Variants in CHST9 observed in about 807,000 individuals in gnomAD.
CHST9 encodes carbohydrate sulfotransferase 9, also known as GalNAc-4-sulfotransferase 2.
In CHST9, 41 loss-of-function variants were observed where a neutral mutation model predicts 44.4. That is an observed-to-expected ratio of 0.92 (90% CI 0.72 to 1.20). The LOEUF is 1.20. Among genes scored for constraint, CHST9 ranks in the 50% most tolerant of loss-of-function variants. The pLI, the probability that CHST9 is intolerant of heterozygous loss-of-function variation, is 0.00. For missense variants in CHST9, 504 were observed against 516.5 expected (o/e 0.98, Z 0.23); for synonymous variants, 171 against 178.4 (o/e 0.96, Z 0.33).
intron 4 of CHST9, among the ~76,000 whole-genome samples, chr18:27,010,776 T>C (rs1158233626): frequency 1.3e-5 from 2 of 152,178 alleles, no homozygotes; most frequent in East Asian, 1.9e-4. Flanking sequence ...CCCATCTTGA[T>C]ATCTGATTGG....
intron 3 of CHST9, among the ~76,000 whole-genome samples, chr18:27,032,779 GATT>G (rs1195395442): frequency 6.6e-6 from 1 of 152,130 alleles, no homozygotes; most frequent in Admixed American, 6.5e-5. Flanking sequence ...GAGATAAAAA[GATT>G]ATTATCTCCA....
chr18:27,009,731 C>T (rs1250304602), intron 4 of CHST9, among the ~76,000 whole-genome samples: 3 of 152,124 alleles, frequency 2.0e-5, no homozygotes, highest in Non-Finnish European at 4.4e-5. Flanking sequence ...AAAAGGGTAC[C>T]ATCAAACACT....
chr18:27,141,549 C>G (rs190457730), intron 2 of CHST9, among the ~76,000 whole-genome samples: 2 of 128,396 alleles, frequency 1.6e-5, no homozygotes, highest in African/African-American at 6.1e-5. Flanking sequence ...CAAGATCATG[C>G]TATCGCTCTC....
At chr18:27,029,136 G>C (rs1437790807) in intron 3 of CHST9, among the ~76,000 whole-genome samples, 1 of 152,088 alleles carries the variant, frequency 6.6e-6, no homozygotes, top group East Asian at 1.9e-4. Context: ...GCTCAAGACA[G>C]TTCTCCTGGT....
intron 1 of CHST9, among the ~76,000 whole-genome samples, chr18:27,151,969 G>A (rs567262925): frequency 6.8e-4 from 103 of 152,284 alleles, no homozygotes; most frequent in African/African-American, 2.4e-3. Context: ...TTTGAAGGAA[G>A]ACAGTAGTAA....
chr18:26,969,593 G>T (rs1212862832), intron 4 of CHST9, among the ~76,000 whole-genome samples: 8 of 152,174 alleles, frequency 5.3e-5, no homozygotes, highest in African/African-American at 1.7e-4. Flanking sequence ...GGAAGAAAAG[G>T]TTCCTGTTCT....
chr18:26,972,928 C>A (rs1458364285), intron 4 of CHST9, among the ~76,000 whole-genome samples: 1 of 152,178 alleles, frequency 6.6e-6, no homozygotes, highest in East Asian at 1.9e-4. Flanking sequence ...CCGAGCTTCA[C>A]CCTCTGGCTT....
chr18:26,952,594 A>C, intron 4 of CHST9: 1 of 331,244 alleles, frequency 3.0e-6, no homozygotes, highest in African/African-American at 2.2e-5. Context: ...CGTGTGAAAT[A>C]ATTTCTTGGA....
intron 2 of CHST9, among the ~76,000 whole-genome samples, chr18:27,108,570 G>A (rs773940735): frequency 6.6e-6 from 1 of 152,096 alleles, no homozygotes; most frequent in Non-Finnish European, 1.5e-5. Flanking sequence ...AGAAAAAAAT[G>A]CATCCAATTA....
chr18:27,169,176 A>G (rs150748526), intron 1 of CHST9, among the ~76,000 whole-genome samples: 1 of 152,132 alleles, frequency 6.6e-6, no homozygotes, highest in Non-Finnish European at 1.5e-5. Context: ...CATACTCTTA[A>G]CTCATAGAAA....
At chr18:26,950,622 C>G (rs1417266081) in intron 4 of CHST9, among the ~76,000 whole-genome samples, 3 of 152,104 alleles carry the variant, frequency 2.0e-5, no homozygotes, top group Non-Finnish European at 4.4e-5. Flanking sequence ...AAGTTAGGAA[C>G]AGAAAACCAA....
At chr18:26,999,103 G>C (rs148590791) in intron 4 of CHST9, among the ~76,000 whole-genome samples, 2 of 152,186 alleles carry the variant, frequency 1.3e-5, no homozygotes, top group Non-Finnish European at 2.9e-5. Flanking sequence ...AGGATGGACA[G>C]CCTTTCTCTT....
chr18:27,001,626 T>TA (rs1444321406), intron 4 of CHST9, among the ~76,000 whole-genome samples: 1 of 129,710 alleles, frequency 7.7e-6, no homozygotes, highest in Non-Finnish European at 1.6e-5. Context: ...AAGGCATTAT[T>TA]AAAAAAAGAC....
chr18:26,999,293 A>T (rs1353239862), intron 4 of CHST9, among the ~76,000 whole-genome samples: 1 of 152,200 alleles, frequency 6.6e-6, no homozygotes, highest in Non-Finnish European at 1.5e-5. Context: ...AATCATTTTT[A>T]TTACTTTTTA....
intron 4 of CHST9, among the ~76,000 whole-genome samples, chr18:27,021,629 T>C (rs2057227603): frequency 6.6e-6 from 1 of 152,188 alleles, no homozygotes; most frequent in Non-Finnish European, 1.5e-5. Context: ...AAAATATTTT[T>C]CCATGTCTCT....
At chr18:26,969,023 G>T (rs1419806762) in intron 4 of CHST9, among the ~76,000 whole-genome samples, 1 of 146,540 alleles carries the variant, frequency 6.8e-6, no homozygotes, top group Non-Finnish European at 1.5e-5. Flanking sequence ...TTTTGAGATG[G>T]AGTCTCGCTC....
intron 4 of CHST9, among the ~76,000 whole-genome samples, chr18:26,990,587 C>T (rs367652062): frequency 7.9e-5 from 12 of 152,240 alleles, no homozygotes; most frequent in African/African-American, 2.9e-4. Flanking sequence ...ATGGCCTTAG[C>T]ATTTTATGTT....
intron 2 of CHST9, among the ~76,000 whole-genome samples, chr18:27,121,203 CTA>C (rs1343282787): frequency 6.6e-6 from 1 of 152,064 alleles, no homozygotes; most frequent in Non-Finnish European, 1.5e-5. Flanking sequence ...CAGGGTCTCA[CTA>C]TGTTGCCCAG....
chr18:26,946,196 T>C (rs1447491334), intron 4 of CHST9, among the ~76,000 whole-genome samples: 2 of 152,158 alleles, frequency 1.3e-5, no homozygotes, highest in Non-Finnish European at 2.9e-5. Context: ...CAACATGGCT[T>C]GTGGGAAAAG....
Sources: allele counts gnomAD v4.1 joint callset (sites outside exome capture counted in the v4.1 genomes callset), GRCh38; gene constraint gnomAD v4.1.1; transcripts MANE v1.5; gene names NCBI Gene and HGNC (gene_info 2026-07-23, HGNC 2026-07-21).